The following AUTS2 variants were observed in gnomAD, a reference collection of about 807,000 sequenced individuals.
AUTS2 encodes autism susceptibility gene 2 protein.
In AUTS2, 17 loss-of-function variants were observed where a neutral mutation model predicts 112.4. The ratio of observed to expected loss-of-function variants is 0.15; its 90% CI spans 0.10 to 0.23. The LOEUF (loss-of-function observed/expected upper bound fraction) is 0.23, where lower values mean the gene tolerates loss of function less well. Among genes scored for constraint, AUTS2 ranks in the 10% least tolerant of loss-of-function variants. The pLI is 1.00. For synonymous variants in AUTS2, 751 were observed against 702.7 expected (o/e 1.07, Z -1.09); for missense variants, 1,510 against 1,701.6 (o/e 0.89, Z 1.98).
At chr7:69,619,322 A>G (rs1793541741) in intron 1 of AUTS2, among the ~76,000 whole-genome samples, 1 of 152,172 alleles carries the variant, frequency 6.6e-6, no homozygotes, top group Admixed American at 6.5e-5. Context: ...TAAGAAATTC[A>G]GAAGTATTGG....
At chr7:70,605,544 C>CTTTTTTTTTTTTTT (rs760981505) in intron 5 of AUTS2, among the ~76,000 whole-genome samples, 1 of 40,540 alleles carries the variant, frequency 2.5e-5, no homozygotes, top group Admixed American at 3.1e-4. Flanking sequence ...TTCCTTCTTT[C>CTTTTTTTTTTTTTT]TCTTTTTTTT....
chr7:70,477,218 C>G (rs1435043603), intron 5 of AUTS2, among the ~76,000 whole-genome samples: 1 of 152,138 alleles, frequency 6.6e-6, no homozygotes, highest in African/African-American at 2.4e-5. Flanking sequence ...TTTTCTTTTC[C>G]CAGCCATATT....
At chr7:69,880,288 C>G (rs1793988980) in intron 1 of AUTS2, among the ~76,000 whole-genome samples, 1 of 152,170 alleles carries the variant, frequency 6.6e-6, no homozygotes, top group Non-Finnish European at 1.5e-5. Flanking sequence ...CTCACCAGGC[C>G]TTACTTCCAA....
At chr7:69,720,301 C>T (rs926937043) in intron 1 of AUTS2, among the ~76,000 whole-genome samples, 1 of 152,050 alleles carries the variant, frequency 6.6e-6, no homozygotes, top group African/African-American at 2.4e-5. Flanking sequence ...ATAAATCAAC[C>T]CTTGAGGGTT....
intron 4 of AUTS2, among the ~76,000 whole-genome samples, chr7:70,148,193 T>G (rs1292138892): frequency 6.6e-6 from 1 of 152,132 alleles, no homozygotes; most frequent in African/African-American, 2.4e-5. Context: ...ACTGAACCCA[T>G]GTAAATAACT....
chr7:70,747,728 C>T (rs1284419089), intron 6 of AUTS2, among the ~76,000 whole-genome samples: 6 of 151,926 alleles, frequency 3.9e-5, no homozygotes, highest in African/African-American at 1.2e-4. Flanking sequence ...TCAGGTGATC[C>T]GCCCGCCTCA....
intron 1 of AUTS2, among the ~76,000 whole-genome samples, chr7:69,831,191 T>G (rs1562913779): frequency 6.6e-6 from 1 of 152,204 alleles, no homozygotes; most frequent in Non-Finnish European, 1.5e-5. Context: ...TTTTTTCTTT[T>G]GAAGGAATAA....
At chr7:70,439,232 A>G (rs1796020758) in intron 5 of AUTS2, among the ~76,000 whole-genome samples, 1 of 152,152 alleles carries the variant, frequency 6.6e-6, no homozygotes, top group South Asian at 2.1e-4. Flanking sequence ...GATAACCACA[A>G]GGACGTTCAT....
At chr7:70,302,906 CTTTTT>C (rs61466921) in intron 4 of AUTS2, among the ~76,000 whole-genome samples, 1 of 127,878 alleles carries the variant, frequency 7.8e-6, no homozygotes, top group Non-Finnish European at 1.7e-5. Flanking sequence ...GAAAGATCTT[CTTTTT>C]TTTTTTTTTT....
At chr7:70,759,341 A>T (rs1168157247) in intron 6 of AUTS2, among the ~76,000 whole-genome samples, 1 of 152,188 alleles carries the variant, frequency 6.6e-6, no homozygotes, top group Non-Finnish European at 1.5e-5. Flanking sequence ...AGAGAGTGTT[A>T]GATTAGATCC....
At chr7:70,595,563 A>G (rs1803155138) in intron 5 of AUTS2, among the ~76,000 whole-genome samples, 1 of 152,054 alleles carries the variant, frequency 6.6e-6, no homozygotes, top group Admixed American at 6.5e-5. Flanking sequence ...AGGCAGCCCC[A>G]AGGGCAGGGC....
chr7:70,488,102 G>A (rs144637621), intron 5 of AUTS2, among the ~76,000 whole-genome samples: 39 of 152,338 alleles, frequency 2.6e-4, no homozygotes, highest in African/African-American at 8.4e-4. Context: ...GGAAGGCCTA[G>A]CAAGCTCACA....
At position 70,773,200 on chromosome 7, in the gene AUTS2, G is replaced by A. The variant is rs569709059; in HGVS notation, c.1831-828G>A. On this transcript the variant is annotated intron_variant, in intron 11 of 18. Coordinates refer to ENST00000342771, the MANE Select transcript of AUTS2 (RefSeq NM_015570.4). ...CCCCTTCTCCTTGTAGGCAAGCTTC[G>A]GGCCTAAACTTGAGCTCCTTTTCCC... Among the ~76,000 whole-genome samples, 8 of 151,924 alleles carry A rather than the reference G, an allele frequency of 5.3e-5. No homozygotes were observed. The East Asian group carries it at 7.7e-4, about 15-fold the overall frequency.
intron 4 of AUTS2, among the ~76,000 whole-genome samples, chr7:70,233,505 C>A (rs1439263080): frequency 6.6e-6 from 1 of 152,068 alleles, no homozygotes; most frequent in African/African-American, 2.4e-5. Flanking sequence ...GCTTAATGGA[C>A]CTCACATAAT....
intron 3 of AUTS2, among the ~76,000 whole-genome samples, chr7:70,125,287 T>TG (rs1185183147): frequency 2.3e-4 from 32 of 141,166 alleles, no homozygotes; most frequent in Admixed American, 5.6e-4. Flanking sequence ...GTGTGTGTGT[T>TG]TTTAATGTTT....
At chr7:69,855,531 C>G (rs577970436) in intron 1 of AUTS2, among the ~76,000 whole-genome samples, 3 of 152,344 alleles carry the variant, frequency 2.0e-5, no homozygotes, top group East Asian at 3.9e-4. Context: ...TAGTCTCATA[C>G]TTACCCAATA....
intron 4 of AUTS2, among the ~76,000 whole-genome samples, chr7:70,240,838 A>G (rs187586634): frequency 1.4e-3 from 214 of 152,332 alleles, no homozygotes; most frequent in African/African-American, 4.7e-3. Context: ...AATGATTTCC[A>G]ATTTATATTT....
At chr7:70,787,158 A>G in intron 17 of AUTS2, 51 bp from the exon 18 acceptor site, 1 of 1,562,376 alleles carries the variant, frequency 6.4e-7, no homozygotes, top group Non-Finnish European at 8.8e-7. Context: ...TCATTACAGC[A>G]GATTATATAA....
intron 1 of AUTS2, among the ~76,000 whole-genome samples, chr7:69,712,830 C>T (rs1301771559): frequency 6.6e-6 from 1 of 152,148 alleles, no homozygotes. Context: ...ATTTTACATT[C>T]CCACTAGCAG....
Sources: gnomAD v4.1 joint callset for allele counts (sites outside exome capture counted in the v4.1 genomes callset) on GRCh38, gnomAD v4.1.1 for gene constraint, MANE v1.5 for transcripts, NCBI Gene and HGNC (gene_info 2026-07-23, HGNC 2026-07-21) for gene names.